GRK3: variants seen among roughly 807,000 people sequenced by gnomAD.
GRK3 encodes G protein-coupled receptor kinase 3.
A neutral mutation model predicts 95.7 loss-of-function variants in GRK3; 54 were observed. The observed-to-expected ratio is 0.56, with a 90% confidence interval of 0.45 to 0.71. The LOEUF (loss-of-function observed/expected upper bound fraction) is 0.71. GRK3 is among the 30% of genes least tolerant of loss of function. The pLI, the probability that GRK3 is intolerant of heterozygous loss-of-function variation, is 0.00. For missense variants in GRK3, 649 were observed against 851.2 expected (o/e 0.76, Z 2.96); for synonymous variants, 281 against 290.8 (o/e 0.97, Z 0.34).
At chr22:25,702,961 C>T (rs970548973) in intron 13 of GRK3, 1 of 451,126 alleles carries the variant, frequency 2.2e-6, no homozygotes, top group African/African-American at 2.0e-5. Context: ...ACAGGAAGCG[C>T]TCAGAGCTGT....
At chr22:25,656,348 AC>A (rs2084870893) in intron 3 of GRK3, among the ~76,000 whole-genome samples, 1 of 152,096 alleles carries the variant, frequency 6.6e-6, no homozygotes, top group Non-Finnish European at 1.5e-5. Context: ...ACAGGGTCTC[AC>A]TCTGTCACCC....
rs2084429705 is a variant in GRK3 at position 25,604,369 on chromosome 22, C to T, written c.114-8C>T. On this transcript the variant is annotated splice_polypyrimidine_tract_variant and splice_region_variant and intron_variant, in intron 1 of 20. Coordinates refer to ENST00000324198, the MANE Select transcript of GRK3 (RefSeq NM_005160.4). ...TATTGTTAAAAATGTGTCACTCTTC[C>T]CTTCCAGTATCCGGAGTGTGATGCA... is the stretch of plus-strand genomic sequence containing the variant. 5.0e-6 allele frequency: 8 copies of T among 1,605,186 alleles called. No homozygotes were observed. The highest frequency in any genetic ancestry group is 2.2e-5 in the South Asian group (2 of 90,080).
At chr22:25,705,721 A>T (rs1346178520) in intron 15 of GRK3, among the ~76,000 whole-genome samples, 3 of 152,096 alleles carry the variant, frequency 2.0e-5, no homozygotes, top group Non-Finnish European at 4.4e-5. Flanking sequence ...GAGGTGCTCT[A>T]TTTCTGCTGA....
intron 2 of GRK3, among the ~76,000 whole-genome samples, chr22:25,631,945 A>G (rs1001816478): frequency 2.0e-5 from 3 of 152,346 alleles, no homozygotes; most frequent in East Asian, 1.9e-4. Context: ...GTATGGATGC[A>G]TCGCAGTTGG....
At chr22:25,600,004 C>T (rs1016304089) in intron 1 of GRK3, among the ~76,000 whole-genome samples, 9 of 152,146 alleles carry the variant, frequency 5.9e-5, no homozygotes, top group African/African-American at 1.9e-4. Context: ...AATTCACTTA[C>T]CTGTATCTAC....
At chr22:25,682,311 G>T (rs1055242496) in intron 9 of GRK3, among the ~76,000 whole-genome samples, 2 of 152,138 alleles carry the variant, frequency 1.3e-5, no homozygotes, top group Admixed American at 6.5e-5. Flanking sequence ...GAAGGGGCAT[G>T]GTCCATATGG....
At chr22:25,710,577 G>C (rs2085336067) in intron 16 of GRK3, among the ~76,000 whole-genome samples, 1 of 152,192 alleles carries the variant, frequency 6.6e-6, no homozygotes, top group South Asian at 2.1e-4. Flanking sequence ...AAGCTGCAGA[G>C]AAATGACGAT....
intron 2 of GRK3, among the ~76,000 whole-genome samples, chr22:25,610,559 C>T (rs2084488825): frequency 1.3e-5 from 2 of 152,226 alleles, no homozygotes; most frequent in East Asian, 1.9e-4. Flanking sequence ...TACAGTTGTG[C>T]CCCCGTCACC....
Position 25,725,903 on chromosome 22 carries a change from T to G in GRK3, c.*3453T>G. 3.9e-6 allele frequency: 1 copy of G among 254,058 alleles called. No individual in the cohort carries two copies. Among genetic ancestry groups the G allele is most frequent in the Non-Finnish European group, 7.4e-6 (1 of 134,910 alleles). The allele number at this position is 254,058 out of a possible 1,614,324, so 15.7% of individuals were successfully genotyped here. A position where few individuals can be genotyped will look rare whatever the true frequency, so the allele number is the denominator to read the frequency against. ...GGCAGAGCTTGCAGTGAGCCGAGAT[T>G]GCGCCACTGCACTCCAGCCTGGGCG... On this transcript the variant is annotated 3_prime_UTR_variant, in exon 21 of 21. Transcript: ENST00000324198.
intron 2 of GRK3, among the ~76,000 whole-genome samples, chr22:25,620,284 G>T (rs2084574558): frequency 2.0e-5 from 3 of 152,010 alleles, no homozygotes. Flanking sequence ...CCGCGAAAAA[G>T]CTGGCCCTCC....
chr22:25,603,690 A>G (rs1002037607), intron 1 of GRK3, among the ~76,000 whole-genome samples: 3 of 152,190 alleles, frequency 2.0e-5, no homozygotes, highest in Non-Finnish European at 4.4e-5. Context: ...TCATAGATAA[A>G]TTTGGGTAGA....
At chr22:25,567,643 T>G (rs1424881422) in intron 1 of GRK3, among the ~76,000 whole-genome samples, 1 of 152,260 alleles carries the variant, frequency 6.6e-6, no homozygotes, top group Non-Finnish European at 1.5e-5. Context: ...TTTGGTATTC[T>G]TGAAAGAGAT....
intron 1 of GRK3, among the ~76,000 whole-genome samples, chr22:25,587,263 A>G (rs115453460): frequency 6.6e-6 from 1 of 152,148 alleles, no homozygotes; most frequent in Admixed American, 6.5e-5. Context: ...CTTGGAAACA[A>G]GGAGGCTGCA....
At chr22:25,609,492 C>T (rs542604991) in intron 2 of GRK3, among the ~76,000 whole-genome samples, 15 of 151,722 alleles carry the variant, frequency 9.9e-5, no homozygotes, top group African/African-American at 3.1e-4. Context: ...CCACCATGCC[C>T]AGCTAATTTT....
intron 2 of GRK3, among the ~76,000 whole-genome samples, chr22:25,644,194 T>G (rs1437069184): frequency 2.6e-5 from 4 of 151,576 alleles, no homozygotes; most frequent in African/African-American, 9.7e-5. Flanking sequence ...TTAGTGGGCA[T>G]AGTGTTTATT....
rs2085430938 is a variant in GRK3, at chr22:25,721,342, A to G, written c.1850A>G (p.Lys617Arg). The G allele has an allele frequency of 6.2e-7, 1 of 1,608,104 alleles. No individual in the cohort carries two copies. ...LSVEETQIKD[K>R]KCILFRIKGG... ...GTGGAAGAAACTCAAATTAAAGACA[A>G]AAAATGCATTTTGTTCAGAATAAAA... The change falls in exon 20 of 21, where the codon AAA (lysine) becomes AGA (arginine). Residue 617 changes from lysine (K) to arginine (R), a missense_variant. By Grantham distance (26) the Lys-to-Arg change is conservative. Around this residue, in one of 3 missense-constraint regions of GRK3, gnomAD observed 382 missense variants for 493.8 expected, o/e 0.77. Transcript: ENST00000324198.
At chr22:25,665,327 A>G (rs1569184962) in intron 5 of GRK3, among the ~76,000 whole-genome samples, 1 of 152,228 alleles carries the variant, frequency 6.6e-6, no homozygotes, top group Non-Finnish European at 1.5e-5. Flanking sequence ...TGACTTTGCC[A>G]TGGTACGTAG....
intron 1 of GRK3, among the ~76,000 whole-genome samples, chr22:25,589,997 C>A (rs1291053834): frequency 6.6e-6 from 1 of 152,156 alleles, no homozygotes; most frequent in African/African-American, 2.4e-5. Flanking sequence ...AATGACCTCC[C>A]ACTGGGTCCC....
chr22:25,693,572 T>C (rs2085182027), intron 12 of GRK3, among the ~76,000 whole-genome samples: 1 of 152,090 alleles, frequency 6.6e-6, no homozygotes, highest in Non-Finnish European at 1.5e-5. Flanking sequence ...TGTCAAACTT[T>C]AGGTTCGGGC....
Sources: allele counts gnomAD v4.1 joint callset (sites outside exome capture counted in the v4.1 genomes callset), GRCh38; gene constraint gnomAD v4.1.1; regional missense constraint gnomAD v4.1.1; transcripts MANE v1.5; gene names NCBI Gene and HGNC (gene_info 2026-07-23, HGNC 2026-07-21).